The following RPTOR variants were observed in gnomAD, a reference collection of about 807,000 sequenced individuals.
RPTOR encodes the protein regulatory-associated protein of mTOR.
Under a neutral mutation model 169.9 loss-of-function variants are expected in RPTOR, and 21 were observed. The ratio of observed to expected loss-of-function variants is 0.12; its 90% CI spans 0.09 to 0.18. The LOEUF (loss-of-function observed/expected upper bound fraction) is 0.18. Among genes scored for constraint, RPTOR ranks in the 10% least tolerant of loss-of-function variants. RPTOR has a pLI of 1.00. For missense variants in RPTOR, 1,133 were observed against 1,855.9 expected, an observed-to-expected ratio of 0.61 and a Z score of 7.16; for synonymous variants, 732 against 753.2, an observed-to-expected ratio of 0.97 and a Z score of 0.46.
chr17:80,910,240 AC>A (rs1342169907), intron 21 of RPTOR, among the ~76,000 whole-genome samples: 1 of 152,040 alleles, frequency 6.6e-6, no homozygotes, highest in Non-Finnish European at 1.5e-5. Context: ...GCCTGAAACT[AC>A]CTGCAAGCCG....
chr17:80,570,777 A>G (rs1348484512), intron 1 of RPTOR, among the ~76,000 whole-genome samples: 3 of 152,126 alleles, frequency 2.0e-5, no homozygotes, highest in African/African-American at 7.2e-5. Flanking sequence ...TTGATTCTTT[A>G]CAGTGAATAA....
intron 6 of RPTOR, among the ~76,000 whole-genome samples, chr17:80,780,352 A>G (rs746087877): frequency 2.0e-5 from 3 of 152,140 alleles, no homozygotes; most frequent in Non-Finnish European, 4.4e-5. Flanking sequence ...CCAGCGAGAG[A>G]CAGGGATGTA....
rs1555625617 is a variant in RPTOR, at chr17:80,841,220, G to GGCAGCTCACACTCACCGCACC, written c.1212+3232_1212+3233insACTCACCGCACCGCAGCTCAC. On this transcript the variant is annotated intron_variant, in intron 10 of 33. Transcript: ENST00000306801. ...GCACGGCAGCTCACTCTCACCGCACGGCAGCTCACTCTCACCGCACGGCAG... is the reference window on the plus strand; with the variant it reads ...GCACGGCAGCTCACTCTCACCGCACGGCAGCTCACACTCACCGCACCGCAGCTCACTCTCACCGCACGGCAG... 2.7e-3 allele frequency among the ~76,000 whole-genome samples: 134 copies of GGCAGCTCACACTCACCGCACC among 49,866 alleles called. 51 individuals carry two copies. Among genetic ancestry groups the GGCAGCTCACACTCACCGCACC allele is most frequent in the Non-Finnish European group, 4.3e-3 (110 of 25,644 alleles). The allele number at this position is 49,866 out of a possible 152,430, so 32.7% of individuals were successfully genotyped here.
At chr17:80,647,622 TTC>T (rs2065606482) in intron 3 of RPTOR, among the ~76,000 whole-genome samples, 1 of 152,174 alleles carries the variant, frequency 6.6e-6, no homozygotes, top group African/African-American at 2.4e-5. Flanking sequence ...AAAAATAAGT[TTC>T]TATGGGAATA....
chr17:80,579,948 T>C (rs1436213207), intron 1 of RPTOR, among the ~76,000 whole-genome samples: 1 of 152,226 alleles, frequency 6.6e-6, no homozygotes, highest in East Asian at 1.9e-4. Flanking sequence ...GCACGGCATC[T>C]ATCATGGGCT....
intron 1 of RPTOR, among the ~76,000 whole-genome samples, chr17:80,566,211 G>A (rs182997361): frequency 2.3e-4 from 35 of 152,268 alleles, no homozygotes; most frequent in Non-Finnish European, 4.4e-4. Flanking sequence ...GGATAATATT[G>A]AGAAATTCCC....
intron 3 of RPTOR, among the ~76,000 whole-genome samples, chr17:80,669,298 C>T (rs1033423035): frequency 1.3e-5 from 2 of 152,248 alleles, no homozygotes; most frequent in African/African-American, 4.8e-5. Flanking sequence ...AGTCACAGAA[C>T]ACCCGGAGTG....
At chr17:80,877,645 T>C (rs2143821202) in intron 13 of RPTOR, among the ~76,000 whole-genome samples, 1 of 152,344 alleles carries the variant, frequency 6.6e-6, no homozygotes, top group Admixed American at 6.5e-5. Flanking sequence ...GGAAGGTGCC[T>C]TCATTCTCAG....
intron 3 of RPTOR, among the ~76,000 whole-genome samples, chr17:80,661,420 G>C (rs1166462731): frequency 1.3e-5 from 2 of 152,170 alleles, no homozygotes; most frequent in Non-Finnish European, 2.9e-5. Flanking sequence ...AGTCGCGCGG[G>C]AGCCCCAGGA....
rs151011711 is a variant in RPTOR, at chr17:80,857,170, C to T, written c.1399-620C>T. On this transcript the variant is annotated intron_variant, in intron 12 of 33. Coordinates refer to ENST00000306801, the MANE Select transcript of RPTOR (RefSeq NM_020761.3). ...CACACTGCAGTGCCCTCCACGCCCT[C>T]CCTCCCCTGCCTCTGAGGGCAGAGA... is the stretch of plus-strand genomic sequence containing the variant. Among the ~76,000 whole-genome samples the T allele has an allele frequency of 9.2e-5, 14 of 152,388 alleles. No homozygotes were observed. In the East Asian group the frequency reaches 2.3e-3, roughly 25 times the overall value.
chr17:80,945,528 C>A, intron 25 of RPTOR, 139 bp from the exon 26 acceptor site: 1 of 306,420 alleles, frequency 3.3e-6, no homozygotes, highest in Non-Finnish European at 5.9e-6. Flanking sequence ...GGAGGCGGAG[C>A]TTGCAGTGAG....
rs1437801276 is a variant in RPTOR, at chr17:80,707,838, C to T, written c.349-3C>T. On this transcript the variant is annotated splice_region_variant and splice_polypyrimidine_tract_variant and intron_variant, in intron 3 of 33. Coordinates refer to ENST00000306801, the MANE Select transcript of RPTOR (RefSeq NM_020761.3). The surrounding 1 kb of genome is among the most constrained non-coding windows in gnomAD (Gnocchi z 5.0). ...AATTTCTTCATTTCTTCTCCTGCAACAGGCCCGGTACAAGCAGAGCCTTGA... is the reference window on the plus strand; with the variant it reads ...AATTTCTTCATTTCTTCTCCTGCAATAGGCCCGGTACAAGCAGAGCCTTGA... The T allele has an allele frequency of 2.5e-6, 4 of 1,607,778 alleles. No individual in the cohort carries two copies. The highest frequency in any genetic ancestry group is 1.6e-4 in the Middle Eastern group (1 of 6,064).
At chr17:80,872,776 G>A (rs2068065621) in intron 13 of RPTOR, among the ~76,000 whole-genome samples, 1 of 152,224 alleles carries the variant, frequency 6.6e-6, no homozygotes, top group South Asian at 2.1e-4. Flanking sequence ...TTTGCAAGAT[G>A]GATGGGCACA....
intron 7 of RPTOR, among the ~76,000 whole-genome samples, chr17:80,810,981 G>T (rs1242963019): frequency 2.0e-5 from 3 of 150,764 alleles, no homozygotes; most frequent in Admixed American, 2.0e-4. Flanking sequence ...TGTTTGAAAG[G>T]TTTCTTAAGA....
chr17:80,697,904 G>C (rs991173568), intron 3 of RPTOR, among the ~76,000 whole-genome samples: 6 of 139,294 alleles, frequency 4.3e-5, no homozygotes, highest in Admixed American at 4.2e-4. Flanking sequence ...AGGCAGAGGT[G>C]GTACAGCGAA....
intron 11 of RPTOR, among the ~76,000 whole-genome samples, chr17:80,850,357 T>C (rs1464925162): frequency 6.6e-6 from 1 of 152,250 alleles, no homozygotes; most frequent in Non-Finnish European, 1.5e-5. Flanking sequence ...AATGGCCTCC[T>C]GTTTCACCCA....
In RPTOR at chr17:80,844,874, C is replaced by A. The variant is rs1482486706; in HGVS notation, c.1213-1599C>A. On this transcript the variant is annotated intron_variant, in intron 10 of 33. Coordinates refer to ENST00000306801, the MANE Select transcript of RPTOR (RefSeq NM_020761.3). The surrounding 1 kb of genome is among the most constrained non-coding windows in gnomAD (Gnocchi z 4.7). ...GGGAGGGTTCCTCCCGACCTCCTCTCAGAGACACGCACCTCCACTGCGGCC... is the reference window on the plus strand; with the variant it reads ...GGGAGGGTTCCTCCCGACCTCCTCTAAGAGACACGCACCTCCACTGCGGCC... Among the ~76,000 whole-genome samples the A allele has an allele frequency of 1.3e-5, 2 of 152,122 alleles. No individual in the cohort carries two copies. The highest frequency in any genetic ancestry group is 3.9e-4 in the East Asian group (2 of 5,194).
chr17:80,545,979 G>A (rs1352723825), intron 1 of RPTOR, among the ~76,000 whole-genome samples, 188 bp downstream of exon 1: 1 of 152,210 alleles, frequency 6.6e-6, no homozygotes, highest in Non-Finnish European at 1.5e-5. Context: ...GTTTTGGTTA[G>A]TCATTATTCA....
At chr17:80,887,029 C>A (rs530498740) in intron 17 of RPTOR, among the ~76,000 whole-genome samples, 1 of 152,100 alleles carries the variant, frequency 6.6e-6, no homozygotes, top group African/African-American at 2.4e-5. Flanking sequence ...TGTGGAGGGG[C>A]AGCTCTTACC....
Sources: allele counts gnomAD v4.1 joint callset (sites outside exome capture counted in the v4.1 genomes callset), GRCh38; gene constraint gnomAD v4.1.1; non-coding constraint Gnocchi (gnomAD v3.1); transcripts MANE v1.5; gene names NCBI Gene and HGNC (gene_info 2026-07-23, HGNC 2026-07-21).